Variants in ADAM2 observed in about 807,000 individuals in gnomAD.
The protein encoded by ADAM2 is ADAM metallopeptidase domain 2, also known as disintegrin and metalloproteinase domain-containing protein 2.
Under a neutral mutation model 99.3 loss-of-function variants are expected in ADAM2, and 101 were observed. The observed-to-expected ratio is 1.02, with a 90% CI of 0.87 to 1.20. The LOEUF (loss-of-function observed/expected upper bound fraction) is 1.20, where lower values mean the gene tolerates loss of function less well. Ranked by LOEUF, ADAM2 falls within the 50% of genes most tolerant of loss-of-function variation. The probability of loss-of-function intolerance (pLI) is 0.00; values close to 1 mark genes in which losing one functional copy is unlikely to be tolerated. For synonymous variants in ADAM2, 323 were observed against 287.6 expected (o/e 1.12, Z -1.25); for missense variants, 948 against 878.7 (o/e 1.08, Z -1.00).
At chr8:39,826,232 A>G (rs962420236) in intron 3 of ADAM2, among the ~76,000 whole-genome samples, 13 of 152,210 alleles carry the variant, frequency 8.5e-5, no homozygotes, top group African/African-American at 3.1e-4. Context: ...GTACTGGTAT[A>G]AAAATAGATA....
rs1284957124 is a variant in ADAM2 at position 39,787,050 on chromosome 8, C to T, written c.815G>A (p.Arg272Lys). 1 of 1,589,556 alleles carries T rather than the reference C, an allele frequency of 6.3e-7. No homozygotes were observed. The highest frequency in any genetic ancestry group is 1.3e-5 in the African/African-American group (1 of 74,174). ...TGCACCAACATAATTTGACTTTTCTCTGTAACTTAAGTTTAAAAAGGGATC... is the reference window on the plus strand; with the variant it reads ...TGCACCAACATAATTTGACTTTTCTTTGTAACTTAAGTTTAAAAAGGGATC... ...PHDVAFLLVY[R>K]EKSNYVGATF... Residue 272 changes from arginine (R) to lysine (K), a missense_variant, in exon 10 of 21, where the codon AGA (arginine) becomes AAA (lysine). Arg to Lys is a conservative substitution (Grantham distance 26). Transcript: ENST00000265708.
At chr8:39,827,063 A>T (rs1805439034) in intron 3 of ADAM2, among the ~76,000 whole-genome samples, 1 of 152,156 alleles carries the variant, frequency 6.6e-6, no homozygotes, top group African/African-American at 2.4e-5. Flanking sequence ...AAAAATTGAA[A>T]ATGAGCAAAA....
intron 4 of ADAM2, among the ~76,000 whole-genome samples, 185 bp from the exon 5 acceptor site, chr8:39,821,847 A>G (rs1051084381): frequency 6.6e-6 from 1 of 152,182 alleles, no homozygotes; most frequent in African/African-American, 2.4e-5. Flanking sequence ...CAGATTTATA[A>G]AAAATGAGTA....
At chr8:39,794,270 G>A (rs1456962916) in intron 7 of ADAM2, among the ~76,000 whole-genome samples, 1 of 152,042 alleles carries the variant, frequency 6.6e-6, no homozygotes, top group African/African-American at 2.4e-5. Flanking sequence ...ATATGTTAAG[G>A]ATCTCTAGTT....
chr8:39,777,337 T>A (rs1803032319), intron 10 of ADAM2, among the ~76,000 whole-genome samples, 176 bp from the exon 11 acceptor site: 2 of 152,056 alleles, frequency 1.3e-5, no homozygotes, highest in African/African-American at 4.8e-5. Flanking sequence ...AAATAAAATC[T>A]GAAGTTTTAT....
intron 7 of ADAM2, among the ~76,000 whole-genome samples, chr8:39,806,309 G>T (rs1230022252): frequency 6.6e-6 from 1 of 151,606 alleles, no homozygotes; most frequent in East Asian, 1.9e-4. Context: ...TGCTAGAGAG[G>T]CAGAGTCTTC....
At chr8:39,823,471 C>G (rs1338381794) in intron 4 of ADAM2, among the ~76,000 whole-genome samples, 5 of 151,846 alleles carry the variant, frequency 3.3e-5, no homozygotes, top group Admixed American at 2.0e-4. Flanking sequence ...GATCAACTTG[C>G]AACTACTTAC....
intron 18 of ADAM2, among the ~76,000 whole-genome samples, chr8:39,747,066 T>C (rs1823499099): frequency 1.3e-5 from 2 of 152,222 alleles, no homozygotes; most frequent in African/African-American, 4.8e-5. Context: ...TATAGTTTTT[T>C]GTTGTCGTTT....
At chr8:39,836,862 A>G (rs1040813334) in intron 2 of ADAM2, among the ~76,000 whole-genome samples, 1 of 152,198 alleles carries the variant, frequency 6.6e-6, no homozygotes, top group Non-Finnish European at 1.5e-5. Flanking sequence ...GAATCTCTAG[A>G]ACAATCAAGC....
chr8:39,784,412 G>A (rs952211385), intron 10 of ADAM2, among the ~76,000 whole-genome samples: 1 of 152,098 alleles, frequency 6.6e-6, no homozygotes, highest in Non-Finnish European at 1.5e-5. Context: ...ATGGAGTCTT[G>A]CTCTGTTGCC....
intron 7 of ADAM2, among the ~76,000 whole-genome samples, chr8:39,796,348 A>C (rs1803945320): frequency 6.6e-6 from 1 of 152,156 alleles, no homozygotes; most frequent in African/African-American, 2.4e-5. Context: ...AGCTTCATCC[A>C]TGTCCCTGCA....
chr8:39,765,123 C>T (rs976464208), intron 14 of ADAM2, among the ~76,000 whole-genome samples: 7 of 152,128 alleles, frequency 4.6e-5, no homozygotes, highest in African/African-American at 1.7e-4. Context: ...TCTAGTCACT[C>T]CTTACTCTAT....
chr8:39,746,530 T>C lies in ADAM2; in HGVS notation c.2116A>G (p.Met706Val). 1 of 1,605,056 alleles carries C rather than the reference T, an allele frequency of 6.2e-7. No homozygotes were observed. Among genetic ancestry groups the C allele is most frequent in the Non-Finnish European group, 8.5e-7 (1 of 1,176,262 alleles). Residue 706 changes from methionine (M) to valine (V), a missense_variant, in exon 19 of 21, where the codon ATG becomes GTG. Met to Val is a conservative substitution (Grantham distance 21). Transcript: ENST00000265708. ...TTCCTTTGGAAATTAACTTTCACCA[T>C]TATAGCAATCAGTACACAGAAAATA... ...FIIFCVLIAI[M>V]VKVNFQRKKW...
chr8:39,826,306 G>A (rs1805396424), intron 3 of ADAM2, among the ~76,000 whole-genome samples: 1 of 152,152 alleles, frequency 6.6e-6, no homozygotes, highest in Non-Finnish European at 1.5e-5. Context: ...GTCAGTTGGT[G>A]TTTGACAAAA....
chr8:39,813,926 A>C (rs1007322829), intron 6 of ADAM2, among the ~76,000 whole-genome samples: 2 of 151,826 alleles, frequency 1.3e-5, no homozygotes, highest in Non-Finnish European at 2.9e-5. Context: ...ATAAAAAATA[A>C]ATAAATAAAA....
Position 39,743,738 on chromosome 8 carries a change from G to T in ADAM2, c.*357C>A, listed in dbSNP as rs1823331512. On this transcript the variant is annotated 3_prime_UTR_variant, in exon 21 of 21. Transcript: ENST00000265708. Reference sequence around the variant, plus strand: ...AACATAACACATACCATTGCAATTTGAAATGTAACAGTGGCTTTTAATCAT... The same window carrying T: ...AACATAACACATACCATTGCAATTTTAAATGTAACAGTGGCTTTTAATCAT... 6.6e-6 allele frequency: 1 copy of T among 151,932 alleles called. No homozygotes were observed. Among genetic ancestry groups the T allele is most frequent in the South Asian group, 2.1e-4 (1 of 4,824 alleles). 9.4% of individuals were successfully genotyped at this position (151,932 alleles called of 1,614,324 possible).
chr8:39,798,800 C>A (rs939504144), intron 7 of ADAM2, among the ~76,000 whole-genome samples: 1 of 152,094 alleles, frequency 6.6e-6, no homozygotes, highest in Non-Finnish European at 1.5e-5. Flanking sequence ...TTATCCATTT[C>A]TTCTAGACTC....
At chr8:39,787,556 ACAC>A (rs1803518293) in intron 9 of ADAM2, among the ~76,000 whole-genome samples, 1 of 104,392 alleles carries the variant, frequency 9.6e-6, no homozygotes, top group African/African-American at 4.3e-5. Context: ...ATATATATAT[ACAC>A]ATATATATAC....
intron 11 of ADAM2, among the ~76,000 whole-genome samples, chr8:39,775,018 G>T (rs889277270): frequency 1.3e-5 from 2 of 151,942 alleles, no homozygotes; most frequent in Non-Finnish European, 2.9e-5. Context: ...GGGGAGGAAA[G>T]GTCGATATCA....
Sources: allele counts gnomAD v4.1 joint callset (sites outside exome capture counted in the v4.1 genomes callset), GRCh38; gene constraint gnomAD v4.1.1; transcripts MANE v1.5; gene names NCBI Gene and HGNC (gene_info 2026-07-23, HGNC 2026-07-21).